SMARCA2: variants seen among roughly 807,000 people sequenced by gnomAD.
SMARCA2 encodes the protein SWI/SNF-related matrix-associated actin-dependent regulator of chromatin subfamily A member 2.
SMARCA2 carries 61 observed loss-of-function variants against 199.8 expected under a neutral mutation model. The ratio of observed to expected loss-of-function variants is 0.31; its 90% CI spans 0.25 to 0.38. The LOEUF (loss-of-function observed/expected upper bound fraction) is 0.38. Among genes scored for constraint, SMARCA2 ranks in the 10% least tolerant of loss-of-function variants. The pLI, the probability that SMARCA2 is intolerant of heterozygous loss-of-function variation, is 1.00. For missense variants in SMARCA2, 1,344 were observed against 2,012.2 expected, an observed-to-expected ratio of 0.67 and a Z score of 6.35; for synonymous variants, 935 against 732.0, an observed-to-expected ratio of 1.28 and a Z score of -4.48.
intron 29 of SMARCA2, among the ~76,000 whole-genome samples, chr9:2,171,930 G>A (rs1227835255): frequency 6.6e-6 from 1 of 152,162 alleles, no homozygotes; most frequent in African/African-American, 2.4e-5. Flanking sequence ...CCATGCCCAG[G>A]CTTTTTGAGG....
rs59179926 is a variant in SMARCA2, at chr9:2,169,707, T to G, written c.4200-712T>G. Among the ~76,000 whole-genome samples, 1,652 of 152,218 alleles carry G rather than the reference T, an allele frequency of 0.011. 21 individuals are homozygous for G. The highest frequency in any genetic ancestry group is 0.071 in the Middle Eastern group (21 of 294). On this transcript the variant is annotated intron_variant, in intron 28 of 33. Coordinates refer to ENST00000349721, the MANE Select transcript of SMARCA2 (RefSeq NM_003070.5). The surrounding 1 kb of genome is among the most constrained non-coding windows in gnomAD (Gnocchi z 6.5). ...GGGTATGGAGGGTCTTCCCAGGATC[T>G]GTGAAACCTGGCAGCTGCTTCCCTG...
At chr9:2,109,818 G>A (rs372395385) in intron 23 of SMARCA2, among the ~76,000 whole-genome samples, 1 of 152,166 alleles carries the variant, frequency 6.6e-6, no homozygotes, top group East Asian at 1.9e-4. Context: ...CATAAAAAAA[G>A]TCCTTGCTTT....
At chr9:2,190,211 G>C (rs1827782585) in intron 32 of SMARCA2, among the ~76,000 whole-genome samples, 1 of 152,124 alleles carries the variant, frequency 6.6e-6, no homozygotes, top group Non-Finnish European at 1.5e-5. Flanking sequence ...GTGGAAATGG[G>C]TGCAGTCTTT....
At position 2,190,409 on chromosome 9, in the gene SMARCA2, G is replaced by A. The variant is rs529452870; in HGVS notation, c.4595-857G>A. The stretch of plus-strand genomic sequence containing the variant: ...TTAAATAAATTATAGTATACCATAC[G>A]ATGGAAAATTTTCAGGTATTTAAAA... On this transcript the variant is annotated intron_variant, in intron 32 of 33. Coordinates refer to ENST00000349721, the MANE Select transcript of SMARCA2 (RefSeq NM_003070.5). Among the ~76,000 whole-genome samples, 22 of 152,230 alleles carry A rather than the reference G, an allele frequency of 1.4e-4. No homozygotes were observed. The South Asian group carries it at 1.7e-3, about 11-fold the overall frequency.
intron 29 of SMARCA2, chr9:2,181,354 G>T: frequency 2.3e-6 from 1 of 430,110 alleles, no homozygotes; most frequent in Non-Finnish European, 4.2e-6. Context: ...ATGTGTGACA[G>T]AAGTGGGGAC....
intron 28 of SMARCA2, among the ~76,000 whole-genome samples, chr9:2,164,285 A>G (rs1413109721): frequency 1.3e-5 from 2 of 152,094 alleles, no homozygotes; most frequent in Admixed American, 6.5e-5. Context: ...TTGGTAGGAG[A>G]TTATATGCCT....
intron 31 of SMARCA2, among the ~76,000 whole-genome samples, chr9:2,183,163 C>T (rs1586809068): frequency 6.6e-6 from 1 of 152,104 alleles, no homozygotes; most frequent in Admixed American, 6.5e-5. Context: ...GCTGGCAGTA[C>T]CATTTTTGCT....
chr9:2,142,284 A>G (rs972564115), intron 27 of SMARCA2, among the ~76,000 whole-genome samples: 2 of 152,264 alleles, frequency 1.3e-5, no homozygotes, highest in Non-Finnish European at 2.9e-5. Context: ...CTAGAATCAG[A>G]CAACGTCAAG....
At chr9:2,080,901 A>G (rs1821539167) in intron 14 of SMARCA2, among the ~76,000 whole-genome samples, 1 of 152,218 alleles carries the variant, frequency 6.6e-6, no homozygotes, top group Non-Finnish European at 1.5e-5. Flanking sequence ...GGAGGCATGC[A>G]TCTTACAGAC....
Position 2,171,960 on chromosome 9 carries a change from A to G in SMARCA2, c.4253+1488A>G, listed in dbSNP as rs1354055508. ...TTGAGGGGAGATGACATGACGGTAT[A>G]TGGTTAGGAACTAGATAAATTCATT... On this transcript the variant is annotated intron_variant, in intron 29 of 33. Transcript: ENST00000349721. 2.0e-5 allele frequency among the ~76,000 whole-genome samples: 3 copies of G among 152,206 alleles called. No individual in the cohort carries two copies. The East Asian group carries it at 5.8e-4, about 29-fold the overall frequency.
chr9:2,172,870 A>T (rs765175806), intron 29 of SMARCA2, among the ~76,000 whole-genome samples: 29 of 152,282 alleles, frequency 1.9e-4, no homozygotes, highest in Non-Finnish European at 3.5e-4. Context: ...TCATGGGGAT[A>T]CAGTGAGATT....
At chr9:2,097,312 C>A in intron 20 of SMARCA2, 73 bp from the exon 21 acceptor site, 1 of 941,890 alleles carries the variant, frequency 1.1e-6, no homozygotes, top group Non-Finnish European at 1.7e-6. Flanking sequence ...GTATAAGAAG[C>A]CCAGTGTGAA....
At chr9:2,105,557 C>CTT (rs1586710559) in intron 23 of SMARCA2, among the ~76,000 whole-genome samples, 1 of 152,164 alleles carries the variant, frequency 6.6e-6, no homozygotes, top group African/African-American at 2.4e-5. Context: ...ATTTAAACCC[C>CTT]TTTACCTCTC....
chr9:2,094,730 G>A (rs929052819), intron 19 of SMARCA2, among the ~76,000 whole-genome samples: 2 of 152,236 alleles, frequency 1.3e-5, no homozygotes, highest in Non-Finnish European at 2.9e-5. Context: ...AAGGCTAAAT[G>A]TGGCTATCCC....
chr9:2,069,958 C>G (rs56336822), intron 9 of SMARCA2, among the ~76,000 whole-genome samples: 19,592 of 152,120 alleles, frequency 0.13, 1,370 homozygotes, highest in East Asian at 0.29. Flanking sequence ...CCAGTAGTCC[C>G]CAGTGTCTAT....
At chr9:2,029,560 C>G (rs755711627) in intron 2 of SMARCA2, among the ~76,000 whole-genome samples, 16 of 152,066 alleles carry the variant, frequency 1.1e-4, no homozygotes, top group Non-Finnish European at 2.2e-4. Context: ...GTCTATAAGT[C>G]TTATTTTTTC....
intron 30 of SMARCA2, among the ~76,000 whole-genome samples, chr9:2,181,899 C>T (rs535650366): frequency 7.2e-5 from 11 of 152,166 alleles, no homozygotes; most frequent in Non-Finnish European, 1.5e-4. Context: ...CCCTGCTCCC[C>T]CTGCCCACAT....
At chr9:2,033,574 A>G (rs1466002423) in intron 3 of SMARCA2, among the ~76,000 whole-genome samples, 1 of 152,242 alleles carries the variant, frequency 6.6e-6, no homozygotes, top group African/African-American at 2.4e-5. Context: ...AGGCAGCTTT[A>G]TCTGGCAGTG....
chr9:2,092,005 C>A (rs377737081), intron 19 of SMARCA2, among the ~76,000 whole-genome samples: 1 of 152,148 alleles, frequency 6.6e-6, no homozygotes, highest in African/African-American at 2.4e-5. Context: ...TACCCACCCC[C>A]CAACCACCAA....
Sources: allele counts gnomAD v4.1 joint callset (sites outside exome capture counted in the v4.1 genomes callset), GRCh38; gene constraint gnomAD v4.1.1; non-coding constraint Gnocchi (gnomAD v3.1); transcripts MANE v1.5; gene names NCBI Gene and HGNC (gene_info 2026-07-23, HGNC 2026-07-21).